Variants in ASCL5 observed in about 807,000 individuals in gnomAD.
The protein encoded by ASCL5 is achaete-scute homolog 5.
For synonymous variants in ASCL5, 124 were observed against 131.5 expected (o/e 0.94, Z 0.39); for missense variants, 262 against 268.9 (o/e 0.97, Z 0.18).
chr1:201,119,809 G>T (rs555818260), intron 1 of ASCL5, among the ~76,000 whole-genome samples: 1 of 152,150 alleles, frequency 6.6e-6, no homozygotes, highest in South Asian at 2.1e-4. Flanking sequence ...CCCCCATGGT[G>T]ACTGCTGAAA....
rs553662637 is a variant in ASCL5, at chr1:201,116,324, A to G, written c.-505-447T>C. On this transcript the variant is annotated intron_variant, in intron 1 of 1. Transcript: ENST00000449188. ...CAGCCATCAGCCAATGAGGGAAGCCAACTCTTTATGGAAAGGAATGCCTCT... is the reference window on the plus strand; with the variant it reads ...CAGCCATCAGCCAATGAGGGAAGCCGACTCTTTATGGAAAGGAATGCCTCT... Among the ~76,000 whole-genome samples the G allele has an allele frequency of 3.2e-3, 490 of 152,282 alleles. 1 individual carries two copies. Among genetic ancestry groups the G allele is most frequent in the Non-Finnish European group, 5.5e-3 (377 of 68,024 alleles).
chr1:201,117,223 G>A (rs1663367411), intron 1 of ASCL5, among the ~76,000 whole-genome samples: 1 of 152,136 alleles, frequency 6.6e-6, no homozygotes. Context: ...ATCACTTGAG[G>A]ACAGGAGTTC....
chr1:201,114,708 G>A lies in ASCL5; in HGVS notation c.*44C>T. 8.1e-7 allele frequency: 1 copy of A among 1,229,168 alleles called. No homozygotes were observed. The highest frequency in any genetic ancestry group is 1.0e-6 in the Non-Finnish European group (1 of 986,134). 76.1% of individuals were successfully genotyped at this position (1,229,168 alleles called of 1,614,324 possible). A position where few individuals can be genotyped will look rare whatever the true frequency, so the allele number is the denominator to read the frequency against. The stretch of plus-strand genomic sequence containing the variant: ...CCCGCTGCTCCCGAAAGTGGGACGG[G>A]GCCGGCGGATCATCCTCCAAGCCGG... On this transcript the variant is annotated 3_prime_UTR_variant, in exon 2 of 2. Coordinates refer to ENST00000449188, the MANE Select transcript of ASCL5 (RefSeq NM_001270601.2).
At position 201,115,406 on chromosome 1, in the gene ASCL5, T is replaced by G; in HGVS notation, c.-34A>C. 8.1e-7 allele frequency: 1 copy of G among 1,231,264 alleles called. No homozygotes were observed. The highest frequency in any genetic ancestry group is 3.2e-5 in the East Asian group (1 of 31,666). 76.3% of individuals were successfully genotyped at this position (1,231,264 alleles called of 1,614,324 possible). ...GTGGAGCTGGACCCAGAGCGAGGCC[T>G]CCACCGAATGGCCCCGGCTTGGGGT... is the stretch of plus-strand genomic sequence containing the variant. On this transcript the variant is annotated 5_prime_UTR_variant, in exon 2 of 2. Coordinates refer to ENST00000449188, the MANE Select transcript of ASCL5 (RefSeq NM_001270601.2).
At chr1:201,121,596 A>T (rs746853629) in intron 1 of ASCL5, among the ~76,000 whole-genome samples, 1 of 152,198 alleles carries the variant, frequency 6.6e-6, no homozygotes, top group Non-Finnish European at 1.5e-5. Context: ...AACTTGAAAA[A>T]AATCTCTCAT....
chr1:201,126,882 C>T (rs1431939480), intron 1 of ASCL5, among the ~76,000 whole-genome samples: 1 of 152,256 alleles, frequency 6.6e-6, no homozygotes, highest in Non-Finnish European at 1.5e-5. Flanking sequence ...CTCGCCTTCT[C>T]CCAGCACTGG....
intron 1 of ASCL5, among the ~76,000 whole-genome samples, chr1:201,116,544 G>A (rs1663353390): frequency 6.6e-6 from 1 of 152,198 alleles, no homozygotes; most frequent in Non-Finnish European, 1.5e-5. Context: ...CCCCTGTTGA[G>A]TATTAGATGC....
chr1:201,118,719 G>A (rs1020236843), intron 1 of ASCL5, among the ~76,000 whole-genome samples: 1 of 152,130 alleles, frequency 6.6e-6, no homozygotes, highest in African/African-American at 2.4e-5. Flanking sequence ...AAACATTGTA[G>A]TGAAATAATA....
intron 1 of ASCL5, among the ~76,000 whole-genome samples, chr1:201,121,600 C>A (rs1000560651): frequency 5.3e-5 from 8 of 152,060 alleles, no homozygotes; most frequent in East Asian, 3.9e-4. Context: ...TGAAAAAAAT[C>A]TCTCATTAAA....
chr1:201,124,705 CG>C (rs745708706), intron 1 of ASCL5, among the ~76,000 whole-genome samples: 1 of 152,130 alleles, frequency 6.6e-6, no homozygotes, highest in Non-Finnish European at 1.5e-5. Flanking sequence ...AGACGGTGCC[CG>C]TAATGAGGGA....
At position 201,115,216 on chromosome 1, in the gene ASCL5, C is replaced by G; in HGVS notation, c.157G>C (p.Glu53Gln). ...VPFLLYPGPA[E>Q]PPYYDAYAGV... is the part of the protein sequence containing the mutation. ...GCATAGGCGTCGTAGTAGGGCGGCTCTGCTGGGCCCGGGTACAGCAGGAAG... is the reference window on the plus strand; with the variant it reads ...GCATAGGCGTCGTAGTAGGGCGGCTGTGCTGGGCCCGGGTACAGCAGGAAG... Residue 53 changes from glutamate (E) to glutamine (Q), a missense_variant, in exon 2 of 2, where the codon GAG becomes CAG. Transcript: ENST00000449188. 4.1e-6 allele frequency: 5 copies of G among 1,231,538 alleles called. No individual in the cohort carries two copies. The highest frequency in any genetic ancestry group is 5.1e-6 in the Non-Finnish European group (5 of 987,890). 76.3% of individuals were successfully genotyped at this position (1,231,538 alleles called of 1,614,324 possible). A position where few individuals can be genotyped will look rare whatever the true frequency, so the allele number is the denominator to read the frequency against.
Position 201,115,653 on chromosome 1 carries a change from C to A in ASCL5, c.-281G>T, listed in dbSNP as rs1663326232. ...CTCTGAGGGCCCGCACCCCGTTCCG[C>A]AGCACCCATGGGCATGGCCACAGAC... On this transcript the variant is annotated 5_prime_UTR_variant, in exon 2 of 2. Transcript: ENST00000449188. 2 of 259,788 alleles carry A rather than the reference C, an allele frequency of 7.7e-6. No individual in the cohort carries two copies. The highest frequency in any genetic ancestry group is 1.4e-5 in the Non-Finnish European group (2 of 138,424). 16.1% of individuals were successfully genotyped at this position (259,788 alleles called of 1,614,324 possible).
chr1:201,114,999 A>G lies in ASCL5; in HGVS notation c.374T>C (p.Leu125Pro). ...CTTTATGTAGCGGATGGCGGCGCGCAGCGTCTCCACCTTGCTGAGTCGCTT... is the reference window on the plus strand; with the variant it reads ...CTTTATGTAGCGGATGGCGGCGCGCGGCGTCTCCACCTTGCTGAGTCGCTT... Reference protein sequence around the residue: ...AEKRLSKVETLRAAIRYIKYL... With the variant: ...AEKRLSKVETPRAAIRYIKYL... The change falls in exon 2 of 2, where the codon CTG becomes CCG. Residue 125 changes from leucine to proline, a missense_variant. Leu to Pro is a moderately conservative substitution (Grantham distance 98). Coordinates refer to ENST00000449188, the MANE Select transcript of ASCL5 (RefSeq NM_001270601.2). The G allele has an allele frequency of 8.1e-7, 1 of 1,231,684 alleles. No homozygotes were observed. The highest frequency in any genetic ancestry group is 1.0e-6 in the Non-Finnish European group (1 of 987,998). 76.3% of individuals were successfully genotyped at this position (1,231,684 alleles called of 1,614,324 possible).
chr1:201,122,393 G>A (rs1359855744), intron 1 of ASCL5, among the ~76,000 whole-genome samples: 1 of 152,240 alleles, frequency 6.6e-6, no homozygotes, highest in East Asian at 1.9e-4. Context: ...AAACAGGGTG[G>A]AGAAGGATGG....
In ASCL5 at chr1:201,114,631, G is replaced by A. The variant is rs960360044; in HGVS notation, c.*121C>T. ...GGTGTCGCAGACACGGGAGCGCCGC[G>A]GACCTCCTACAGTCACCGTCCTGCG... On this transcript the variant is annotated 3_prime_UTR_variant, in exon 2 of 2. Coordinates refer to ENST00000449188, the MANE Select transcript of ASCL5 (RefSeq NM_001270601.2). The A allele has an allele frequency of 5.5e-5, 50 of 905,842 alleles. 1 individual carries two copies. The African/African-American group carries it at 7.5e-4, about 14-fold the overall frequency. 56.1% of individuals were successfully genotyped at this position (905,842 alleles called of 1,614,324 possible).
intron 1 of ASCL5, among the ~76,000 whole-genome samples, chr1:201,125,762 G>C (rs1423922828): frequency 6.6e-6 from 1 of 152,192 alleles, no homozygotes; most frequent in African/African-American, 2.4e-5. Flanking sequence ...CCAAGAAGTA[G>C]CCTGATGTGG....
At position 201,114,731 on chromosome 1, in the gene ASCL5, C is replaced by T. The variant is rs1663295525; in HGVS notation, c.*21G>A. On this transcript the variant is annotated 3_prime_UTR_variant, in exon 2 of 2. Transcript: ENST00000449188. The stretch of plus-strand genomic sequence containing the variant: ...GGGGCCGGCGGATCATCCTCCAAGC[C>T]GGGGGCGGCCACAGGCCCGATCAAT... The T allele has an allele frequency of 8.1e-7, 1 of 1,230,680 alleles. No individual in the cohort carries two copies. The highest frequency in any genetic ancestry group is 1.0e-6 in the Non-Finnish European group (1 of 987,278). The allele number at this position is 1,230,680 out of a possible 1,614,324, so 76.2% of individuals were successfully genotyped here.
Position 201,115,107 on chromosome 1 carries a change from T to C in ASCL5, c.266A>G (p.Asn89Ser). 2 of 1,231,786 alleles carry C rather than the reference T, an allele frequency of 1.6e-6. No homozygotes were observed. Among genetic ancestry groups the C allele is most frequent in the Non-Finnish European group, 2.0e-6 (2 of 988,014 alleles). The allele number at this position is 1,231,786 out of a possible 1,614,324, so 76.3% of individuals were successfully genotyped here. ...PFEPAFIQKR[N>S]ERERQRVKCV... ...CTTGACTCGCTGCCTCTCGCGCTCG[T>C]TGCGCTTCTGGATGAAGGCTGGCTC... The change falls in exon 2 of 2, where the codon AAC becomes AGC. Residue 89 changes from asparagine to serine, a missense_variant. Coordinates refer to ENST00000449188, the MANE Select transcript of ASCL5 (RefSeq NM_001270601.2).
At chr1:201,119,018 G>C (rs1480319888) in intron 1 of ASCL5, among the ~76,000 whole-genome samples, 4 of 152,212 alleles carry the variant, frequency 2.6e-5, no homozygotes, top group Non-Finnish European at 5.9e-5. Context: ...AAGGAACAGA[G>C]AGGTTTACAC....
Sources: gnomAD v4.1 joint callset for allele counts (sites outside exome capture counted in the v4.1 genomes callset) on GRCh38, gnomAD v4.1.1 for gene constraint, MANE v1.5 for transcripts, NCBI Gene and HGNC (gene_info 2026-07-23, HGNC 2026-07-21) for gene names.